CFAP54: variants seen among roughly 807,000 people sequenced by gnomAD.
The protein encoded by CFAP54 is cilia- and flagella-associated protein 54.
Under a neutral mutation model 370.4 loss-of-function variants are expected in CFAP54, and 290 were observed. The observed-to-expected ratio is 0.78, with a 90% confidence interval of 0.71 to 0.86. The LOEUF (loss-of-function observed/expected upper bound fraction) is 0.86, where lower values mean the gene tolerates loss of function less well. CFAP54 is among the 40% of genes least tolerant of loss of function. CFAP54 has a pLI of 0.00. For missense variants in CFAP54, 3,399 were observed against 3,528.7 expected (o/e 0.96, Z 0.93); for synonymous variants, 1,206 against 1,236.5 (o/e 0.98, Z 0.52).
intron 39 of CFAP54, among the ~76,000 whole-genome samples, chr12:96,676,242 G>A (rs1013004590): frequency 2.0e-5 from 3 of 152,078 alleles, no homozygotes; most frequent in Non-Finnish European, 4.4e-5. Flanking sequence ...GGGATGCTCT[G>A]GAAATAAATA....
rs1228156222 is a variant in CFAP54 at position 96,792,367 on chromosome 12, T to A, written c.8718T>A (p.Phe2906Leu). ...GTTCTGTACAATCCATTTTATCTTT[T>A]AAGCCTGTTTCAGGCTCATCTTGTG... ...RDSSVQSILSFKPVSGSSCVD... is the reference protein window; with the variant it reads ...RDSSVQSILSLKPVSGSSCVD... Residue 2906 changes from phenylalanine to leucine, a missense_variant, in exon 63 of 68, where the codon TTT becomes TTA. This residue lies in a region of CFAP54 where 2,796 missense variants were observed against 2,869.7 expected (regional missense o/e 0.97). Transcript: ENST00000524981. 13 of 1,535,556 alleles carry A rather than the reference T, an allele frequency of 8.5e-6. No individual in the cohort carries two copies. In the South Asian group the frequency reaches 1.5e-4, roughly 18 times the overall value.
At chr12:96,765,280 T>G (rs1958390410) in intron 60 of CFAP54, 62 bp downstream of exon 60, 1 of 1,326,324 alleles carries the variant, frequency 7.5e-7, no homozygotes, top group African/African-American at 1.5e-5. Context: ...GAATCAAGTT[T>G]CAAAGATTTA....
chr12:96,606,933 C>A (rs1956307935), intron 26 of CFAP54, among the ~76,000 whole-genome samples: 1 of 152,140 alleles, frequency 6.6e-6, no homozygotes, highest in African/African-American at 2.4e-5. Flanking sequence ...TCTCATAGGA[C>A]CTTTGCAGTT....
chr12:96,752,451 T>A (rs564299518), intron 55 of CFAP54, among the ~76,000 whole-genome samples: 2 of 152,318 alleles, frequency 1.3e-5, no homozygotes, highest in South Asian at 4.1e-4. Context: ...CTGGCCAGGA[T>A]CCAGCACTTC....
At chr12:96,610,663 C>T (rs1956348657) in intron 26 of CFAP54, among the ~76,000 whole-genome samples, 1 of 152,152 alleles carries the variant, frequency 6.6e-6, no homozygotes, top group Non-Finnish European at 1.5e-5. Flanking sequence ...ACAGACGGCA[C>T]CTGGAAAATC....
At chr12:96,874,934 A>T (rs1311392364) in intron 67 of CFAP54, among the ~76,000 whole-genome samples, 184 bp from the exon 68 acceptor site, 1 of 151,720 alleles carries the variant, frequency 6.6e-6, no homozygotes, top group Non-Finnish European at 1.5e-5. Context: ...CTGCTTTTTT[A>T]AAGTTTTGGT....
intron 66 of CFAP54, among the ~76,000 whole-genome samples, chr12:96,859,961 A>G (rs1318501468): frequency 6.6e-6 from 1 of 152,132 alleles, no homozygotes; most frequent in Non-Finnish European, 1.5e-5. Flanking sequence ...AGTTATAGAA[A>G]ACACTGGAAT....
intron 26 of CFAP54, among the ~76,000 whole-genome samples, chr12:96,607,063 G>T (rs1956309148): frequency 6.6e-6 from 1 of 152,164 alleles, no homozygotes; most frequent in African/African-American, 2.4e-5. Context: ...CTCCACCTTA[G>T]CAAAGAAGCC....
chr12:96,513,313 C>T (rs1021304012), intron 5 of CFAP54, among the ~76,000 whole-genome samples: 6 of 152,162 alleles, frequency 3.9e-5, no homozygotes, highest in East Asian at 1.9e-4. Flanking sequence ...ATGCTTGTCA[C>T]GCTTGATAGT....
At chr12:96,868,575 G>A (rs1960070138) in intron 67 of CFAP54, among the ~76,000 whole-genome samples, 2 of 151,078 alleles carry the variant, frequency 1.3e-5, no homozygotes, top group African/African-American at 4.9e-5. Flanking sequence ...TTTAAATTGT[G>A]GCAGTCTAAT....
intron 55 of CFAP54, among the ~76,000 whole-genome samples, chr12:96,750,020 A>G (rs1380823933): frequency 1.3e-5 from 2 of 152,288 alleles, no homozygotes; most frequent in South Asian, 2.1e-4. Context: ...GCAAAGGCCA[A>G]TATTCTTTAG....
At chr12:96,641,946 G>A (rs1002535418) in intron 32 of CFAP54, among the ~76,000 whole-genome samples, 2 of 149,408 alleles carry the variant, frequency 1.3e-5, no homozygotes, top group Non-Finnish European at 3.0e-5. Flanking sequence ...TGCGGGGGGG[G>A]AGGGATAGCA....
intron 65 of CFAP54, among the ~76,000 whole-genome samples, chr12:96,826,626 TTATATATTAAATATAG>T (rs1371874759): frequency 9.2e-6 from 1 of 108,854 alleles, no homozygotes; most frequent in Non-Finnish European, 1.7e-5. Flanking sequence ...ATGATATATG[TTATATATTAAATATAG>T]TATATATTAA....
chr12:96,734,781 C>T (rs1390618682), intron 50 of CFAP54, among the ~76,000 whole-genome samples: 1 of 151,972 alleles, frequency 6.6e-6, no homozygotes, highest in Non-Finnish European at 1.5e-5. Context: ...TTACAACTGA[C>T]TACAAAGAAA....
At chr12:96,731,941 A>G (rs771952792) in intron 50 of CFAP54, among the ~76,000 whole-genome samples, 16 of 152,200 alleles carry the variant, frequency 1.1e-4, no homozygotes, top group Non-Finnish European at 2.4e-4. Flanking sequence ...TGTAGTATCA[A>G]AGAAGAACTT....
At position 96,564,702 on chromosome 12, in the gene CFAP54, G is replaced by T. The variant is rs1200295384; in HGVS notation, c.2556G>T (p.Met852Ile). 1 of 633,830 alleles carries T rather than the reference G, an allele frequency of 1.6e-6. No individual in the cohort carries two copies. Among genetic ancestry groups the T allele is most frequent in the Non-Finnish European group, 2.8e-6 (1 of 359,730 alleles). The allele number at this position is 633,830 out of a possible 1,614,324, so 39.3% of individuals were successfully genotyped here. A position where few individuals can be genotyped will look rare whatever the true frequency, so the allele number is the denominator to read the frequency against. Residue 852 changes from methionine to isoleucine, a missense_variant, in exon 19 of 68, where the codon ATG becomes ATT. By Grantham distance (10) the Met-to-Ile change is conservative. Transcript: ENST00000524981. Reference protein sequence around the residue: ...KNTLSKAIYLMQKALLIFEKD... With the variant: ...KNTLSKAIYLIQKALLIFEKD... ...CATTATCCAAAGCAATTTACTTAAT[G>T]CAGAAAGCTCTTTTAATATTCGAGA...
chr12:96,596,441 T>C (rs1242851750), intron 25 of CFAP54, among the ~76,000 whole-genome samples: 1 of 152,084 alleles, frequency 6.6e-6, no homozygotes, highest in Non-Finnish European at 1.5e-5. Flanking sequence ...GAATGTAATA[T>C]ATGACAGAGT....
rs539073443 is a variant in CFAP54 at position 96,666,294 on chromosome 12, A to G, written c.5563+2362A>G. On this transcript the variant is annotated intron_variant, in intron 39 of 67. Transcript: ENST00000524981. The stretch of plus-strand genomic sequence containing the variant: ...TCCATTTCCATAATCAATATAGATT[A>G]TTCTATTAGTTTTACTATGGTTAAG... Among the ~76,000 whole-genome samples the G allele has an allele frequency of 1.5e-4, 23 of 152,294 alleles. No individual in the cohort carries two copies. The South Asian group carries it at 3.7e-3, about 25-fold the overall frequency.
intron 32 of CFAP54, among the ~76,000 whole-genome samples, chr12:96,632,633 C>T (rs569099578): frequency 1.3e-5 from 2 of 152,020 alleles, no homozygotes; most frequent in East Asian, 1.9e-4. Flanking sequence ...ATCATAATTA[C>T]TCTAGTTTTA....
Sources: allele counts gnomAD v4.1 joint callset (sites outside exome capture counted in the v4.1 genomes callset), GRCh38; gene constraint gnomAD v4.1.1; regional missense constraint gnomAD v4.1.1; transcripts MANE v1.5; gene names NCBI Gene and HGNC (gene_info 2026-07-23, HGNC 2026-07-21).